The following CCDC91 variants were observed in gnomAD, a reference collection of about 807,000 sequenced individuals.
The protein encoded by CCDC91 is coiled-coil domain containing 91.
CCDC91 carries 48 observed loss-of-function variants against 63.2 expected under a neutral mutation model. The ratio of observed to expected loss-of-function variants is 0.76; its 90% CI spans 0.60 to 0.97. The LOEUF (loss-of-function observed/expected upper bound fraction) is 0.97, where lower values mean the gene tolerates loss of function less well. Among genes scored for constraint, CCDC91 ranks in the 50% least tolerant of loss-of-function variants. CCDC91 has a pLI of 0.00. For missense variants in CCDC91, 500 were observed against 494.6 expected (o/e 1.01, Z -0.10); for synonymous variants, 167 against 165.8 (o/e 1.01, Z -0.06).
At chr12:28,409,245 A>C (rs1947163465) in intron 8 of CCDC91, among the ~76,000 whole-genome samples, 1 of 152,122 alleles carries the variant, frequency 6.6e-6, no homozygotes, top group African/African-American at 2.4e-5. Context: ...TATTAAGCTG[A>C]GTATTTTTCT....
intron 6 of CCDC91, among the ~76,000 whole-genome samples, chr12:28,345,793 T>C (rs1279216353): frequency 6.6e-6 from 1 of 152,136 alleles, no homozygotes; most frequent in Non-Finnish European, 1.5e-5. Flanking sequence ...ATCTTATGTA[T>C]TTTTACCTCT....
intron 1 of CCDC91, among the ~76,000 whole-genome samples, chr12:28,190,992 T>A (rs1430253735): frequency 1.3e-5 from 2 of 152,260 alleles, no homozygotes; most frequent in Non-Finnish European, 2.9e-5. Flanking sequence ...TGATTCTTGC[T>A]TAGATTACAC....
intron 6 of CCDC91, among the ~76,000 whole-genome samples, chr12:28,334,458 T>C (rs1941768866): frequency 6.6e-6 from 1 of 152,190 alleles, no homozygotes; most frequent in African/African-American, 2.4e-5. Flanking sequence ...CATCTATTTT[T>C]ATTTCTTCTC....
At chr12:28,531,530 A>G (rs1941729463) in intron 12 of CCDC91, among the ~76,000 whole-genome samples, 1 of 152,162 alleles carries the variant, frequency 6.6e-6, no homozygotes, top group African/African-American at 2.4e-5. Flanking sequence ...TTAATAGATA[A>G]TGTAAAATTT....
chr12:28,313,437 C>T (rs1939522770), intron 6 of CCDC91, among the ~76,000 whole-genome samples: 1 of 151,990 alleles, frequency 6.6e-6, no homozygotes, highest in Non-Finnish European at 1.5e-5. Context: ...TTTCAGAATA[C>T]TGGGCTCTGA....
chr12:28,290,068 A>T (rs2136759211), intron 3 of CCDC91, among the ~76,000 whole-genome samples: 1 of 149,082 alleles, frequency 6.7e-6, no homozygotes, highest in South Asian at 2.1e-4. Context: ...TATCTTAGTT[A>T]TTTTTTTTTG....
chr12:28,236,550 A>G (rs1236908747), intron 1 of CCDC91: 3 of 152,000 alleles, frequency 2.0e-5, no homozygotes, highest in Admixed American at 6.6e-5. Context: ...ACTAAATATA[A>G]AAGTTTATAA....
At chr12:28,491,874 TGTG>T (rs1952025700) in intron 12 of CCDC91, among the ~76,000 whole-genome samples, 1 of 150,182 alleles carries the variant, frequency 6.7e-6, no homozygotes. Context: ...TGTGTGTGTG[TGTG>T]TGTGTGTGTG....
intron 8 of CCDC91, among the ~76,000 whole-genome samples, chr12:28,401,821 A>AT (rs1007724687): frequency 3.3e-5 from 5 of 152,046 alleles, no homozygotes; most frequent in Non-Finnish European, 7.4e-5. Context: ...TGTCACAAAG[A>AT]TTTTTTCTTG....
chr12:28,524,337 T>G (rs1342281756), intron 12 of CCDC91, among the ~76,000 whole-genome samples: 1 of 152,136 alleles, frequency 6.6e-6, no homozygotes, highest in Non-Finnish European at 1.5e-5. Flanking sequence ...CATAAAGGAA[T>G]GTTGGATTTT....
intron 6 of CCDC91, among the ~76,000 whole-genome samples, chr12:28,318,724 C>A (rs1940174443): frequency 6.6e-6 from 1 of 151,720 alleles, no homozygotes; most frequent in South Asian, 2.1e-4. Context: ...TTTTCTTATC[C>A]CTGTTCTAAT....
At chr12:28,458,321 C>CT (rs1950145501) in intron 11 of CCDC91, among the ~76,000 whole-genome samples, 1 of 150,684 alleles carries the variant, frequency 6.6e-6, no homozygotes, top group Non-Finnish European at 1.5e-5. Flanking sequence ...CATCTAAGTC[C>CT]TTTTTTCCTT....
intron 3 of CCDC91, among the ~76,000 whole-genome samples, chr12:28,275,952 G>C (rs867833899): frequency 6.6e-6 from 1 of 151,978 alleles, no homozygotes; most frequent in African/African-American, 2.4e-5. Context: ...CAATAAATTA[G>C]GTATTGATGG....
At chr12:28,532,532 A>G (rs571026777) in intron 12 of CCDC91, among the ~76,000 whole-genome samples, 1 of 152,210 alleles carries the variant, frequency 6.6e-6, no homozygotes, top group South Asian at 2.1e-4. Flanking sequence ...GGAGAGACAG[A>G]GGGATGAATA....
intron 12 of CCDC91, among the ~76,000 whole-genome samples, chr12:28,497,221 T>G (rs928638247): frequency 1.3e-5 from 2 of 151,470 alleles, no homozygotes; most frequent in Non-Finnish European, 3.0e-5. Flanking sequence ...AATCTGTTTC[T>G]TCTCTCCTTC....
At chr12:28,241,737 C>T (rs371577564) in intron 1 of CCDC91, among the ~76,000 whole-genome samples, 10 of 152,126 alleles carry the variant, frequency 6.6e-5, no homozygotes, top group African/African-American at 2.4e-4. Flanking sequence ...TGGCTCACAC[C>T]TGTAATCCCA....
At chr12:28,407,943 G>GAT (rs1321846484) in intron 8 of CCDC91, among the ~76,000 whole-genome samples, 3 of 37,412 alleles carry the variant, frequency 8.0e-5, no homozygotes, top group African/African-American at 1.3e-4. Flanking sequence ...CATATACATA[G>GAT]ATATATACAT....
chr12:28,374,158 C>T (rs146445593), intron 7 of CCDC91, among the ~76,000 whole-genome samples: 64 of 152,170 alleles, frequency 4.2e-4, no homozygotes, highest in South Asian at 1.5e-3. Context: ...GAAGTTCCAC[C>T]CCCCTTTCCT....
intron 12 of CCDC91, among the ~76,000 whole-genome samples, chr12:28,521,888 T>C (rs1315893845): frequency 1.3e-5 from 2 of 152,200 alleles, no homozygotes; most frequent in Non-Finnish European, 2.9e-5. Context: ...TTGATTTGTG[T>C]ATGGCAAACC....
Sources: allele counts gnomAD v4.1 joint callset (sites outside exome capture counted in the v4.1 genomes callset), GRCh38; gene constraint gnomAD v4.1.1; transcripts MANE v1.5; gene names NCBI Gene and HGNC (gene_info 2026-07-23, HGNC 2026-07-21).